CAD: variants seen among roughly 807,000 people sequenced by gnomAD.
CAD encodes the protein carbamoyl-phosphate synthetase 2, aspartate transcarbamylase, and dihydroorotase, also known as multifunctional protein CAD.
CAD carries 81 observed loss-of-function variants against 237.2 expected under a neutral mutation model. The ratio of observed to expected loss-of-function variants is 0.34; its 90% CI spans 0.29 to 0.41. CAD has a LOEUF of 0.41. Among genes scored for constraint, CAD ranks in the 10% least tolerant of loss-of-function variants. The probability of loss-of-function intolerance (pLI) is 1.00; values close to 1 mark genes in which losing one functional copy is unlikely to be tolerated. For missense variants in CAD, 2,181 were observed against 2,951.7 expected (o/e 0.74, Z 6.05); for synonymous variants, 1,196 against 1,162.8 (o/e 1.03, Z -0.58).
rs753256886 is a variant in CAD at position 27,218,004 on chromosome 2, C to T, written c.210C>T (p.Phe70=). The change falls in exon 2 of 44, where the codon TTC becomes TTT. Residue 70 remains phenylalanine (F), a synonymous_variant. Transcript: ENST00000264705. ...TCCCCCCAGATGAAATGGATGAGTT[C>T]GGTCTCTGCAAGGTAGCCACACCCA... is the stretch of plus-strand genomic sequence containing the variant. The part of the protein sequence containing the change: ...YGIPPDEMDE[F]GLCKWFESSG... 1 of 1,607,872 alleles carries T rather than the reference C, an allele frequency of 6.2e-7. No homozygotes were observed. Among genetic ancestry groups the T allele is most frequent in the South Asian group, 1.1e-5 (1 of 90,290 alleles).
chr2:27,230,683 G>A (rs1675706459), intron 15 of CAD, among the ~76,000 whole-genome samples: 1 of 151,980 alleles, frequency 6.6e-6, no homozygotes, highest in Non-Finnish European at 1.5e-5. Context: ...ACTCTAAAAT[G>A]ATTGTTGTAA....
intron 2 of CAD, 148 bp from the exon 3 acceptor site, chr2:27,221,070 G>T: frequency 2.0e-6 from 1 of 498,750 alleles, no homozygotes; most frequent in Non-Finnish European, 3.4e-6. Context: ...GTTGGTAAAT[G>T]GAAATACCTA....
chr2:27,240,250 AC>A lies in CAD; in HGVS notation c.5497-14del. 6.2e-7 allele frequency: 1 copy of A among 1,600,154 alleles called. No homozygotes were observed. Among genetic ancestry groups the A allele is most frequent in the Non-Finnish European group, 8.5e-7 (1 of 1,171,980 alleles). ...AAAAAAAAAAAACAACTCTGGGCCA[AC>A]GTTATCCCTCCAGACACCTGAAAGA... On this transcript the variant is annotated splice_polypyrimidine_tract_variant and intron_variant, in intron 34 of 43. Coordinates refer to ENST00000264705, the MANE Select transcript of CAD (RefSeq NM_004341.5). The surrounding 1 kb of genome is among the most constrained non-coding windows in gnomAD (Gnocchi z 4.6).
Position 27,217,575 on chromosome 2 carries a change from C to G in CAD, c.24C>G (p.Asp8Glu). The G allele has an allele frequency of 6.2e-7, 1 of 1,608,052 alleles. No individual in the cohort carries two copies. The highest frequency in any genetic ancestry group is 1.1e-5 in the South Asian group (1 of 89,838). MAALVLE[D>E]GSVLRGQPFG... Reference sequence around the variant, plus strand: ...CCATGGCGGCCCTAGTGTTGGAGGACGGGTCGGTCCTGCGGGGCCAGCCCT... The same window carrying G: ...CCATGGCGGCCCTAGTGTTGGAGGAGGGGTCGGTCCTGCGGGGCCAGCCCT... The change falls in exon 1 of 44, where the codon GAC becomes GAG. Residue 8 changes from aspartate (D) to glutamate (E), a missense_variant. Asp to Glu is a conservative substitution (Grantham distance 45, BLOSUM62 2). Transcript: ENST00000264705.
intron 15 of CAD, among the ~76,000 whole-genome samples, chr2:27,228,868 G>T (rs1675573462): frequency 6.6e-6 from 1 of 151,490 alleles, no homozygotes; most frequent in South Asian, 2.1e-4. Context: ...TGGGATTACA[G>T]GCCACTGTGC....
At chr2:27,234,321 C>CTTGG in intron 22 of CAD, 95 bp downstream of exon 22, 2 of 1,295,152 alleles carry the variant, frequency 1.5e-6, no homozygotes, top group Non-Finnish European at 2.2e-6. Flanking sequence ...CTCCTGCCTT[C>CTTGG]ATCCAAGTAG....
chr2:27,221,210 A>G lies in CAD; in HGVS notation c.223-8A>G, dbSNP rs2148057082. On this transcript the variant is annotated splice_polypyrimidine_tract_variant and splice_region_variant and intron_variant, in intron 2 of 43. Transcript: ENST00000264705. ...CTGAGGCTTCTCACAATCTCTTTCC[A>G]TCTACAGTGGTTTGAATCCTCGGGC... 1 of 1,516,188 alleles carries G rather than the reference A, an allele frequency of 6.6e-7. No homozygotes were observed. The highest frequency in any genetic ancestry group is 8.9e-7 in the Non-Finnish European group (1 of 1,124,748). The allele number at this position is 1,516,188 out of a possible 1,614,324, so 93.9% of individuals were successfully genotyped here.
At position 27,232,673 on chromosome 2, in the gene CAD, C is replaced by T. The variant is rs1054466016; in HGVS notation, c.2871C>T (p.Gly957=). 1 of 1,614,226 alleles carries T rather than the reference C, an allele frequency of 6.2e-7. No homozygotes were observed. The highest frequency in any genetic ancestry group is 1.6e-4 in the Middle Eastern group (1 of 6,062). Reference sequence around the variant, plus strand: ...TTGAATTTGACTGGTGTGCTGTAGGCTGCATCCAGCAGCTCCGAAAGGTCA... The same window carrying T: ...TTGAATTTGACTGGTGTGCTGTAGGTTGCATCCAGCAGCTCCGAAAGGTCA... ...SSVEFDWCAV[G]CIQQLRKMGY... is the part of the protein sequence containing the mutation. The change falls in exon 18 of 44, where the codon GGC becomes GGT. Residue 957 remains glycine (G), a synonymous_variant. Transcript: ENST00000264705. This position sits in a 1 kb window ranked among gnomAD's most constrained non-coding sequence, Gnocchi z 4.1.
At position 27,217,499 on chromosome 2, in the gene CAD, T is replaced by C. The variant is rs956875882; in HGVS notation, c.-53T>C. On this transcript the variant is annotated 5_prime_UTR_variant, in exon 1 of 44. Transcript: ENST00000264705. ...CGTCCTCACGTGGTTCCAGTGGAGT[T>C]TGCAGTCCTTCCCGCTTCTCCGTAC... The C allele has an allele frequency of 1.4e-5, 21 of 1,452,932 alleles. No homozygotes were observed. Among genetic ancestry groups the C allele is most frequent in the East Asian group, 2.4e-5 (1 of 40,978 alleles). 90.0% of individuals were successfully genotyped at this position (1,452,932 alleles called of 1,614,324 possible).
Position 27,242,968 on chromosome 2 carries a change from G to C in CAD, c.6475G>C (p.Glu2159Gln). The C allele has an allele frequency of 6.3e-7, 1 of 1,596,164 alleles. No homozygotes were observed. The highest frequency in any genetic ancestry group is 8.6e-7 in the Non-Finnish European group (1 of 1,167,196). The part of the protein sequence containing the change: ...KERFGSTQEY[E>Q]ACFGQFILTP... ...ACGATTTGGCTCTACCCAGGAGTAC[G>C]AAGCTGTGAGTGCTGGGCTTGAGGA... The change falls in exon 42 of 44, where the codon GAA (glutamate) becomes CAA (glutamine). Residue 2159 changes from glutamate to glutamine, a missense_variant. By Grantham distance (29) the Glu-to-Gln change is conservative. Transcript: ENST00000264705. The surrounding 1 kb of genome is among the most constrained non-coding windows in gnomAD (Gnocchi z 6.4).
In CAD at chr2:27,233,247, A is replaced by T; in HGVS notation, c.2992-65A>T. 1 of 1,525,506 alleles carries T rather than the reference A, an allele frequency of 6.6e-7. No homozygotes were observed. The highest frequency in any genetic ancestry group is 2.3e-5 in the East Asian group (1 of 44,374). The allele number at this position is 1,525,506 out of a possible 1,614,324, so 94.5% of individuals were successfully genotyped here. A position where few individuals can be genotyped will look rare whatever the true frequency, so the allele number is the denominator to read the frequency against. On this transcript the variant is annotated intron_variant, in intron 19 of 43. Transcript: ENST00000264705. The surrounding 1 kb of genome is among the most constrained non-coding windows in gnomAD (Gnocchi z 6.3). ...TTGGTGGCGGCTGAGGGAAGCAGTGAGCAGGAAGGCTCAGATTCCTGCCCT... is the reference window on the plus strand; with the variant it reads ...TTGGTGGCGGCTGAGGGAAGCAGTGTGCAGGAAGGCTCAGATTCCTGCCCT...
In CAD at chr2:27,238,602, G is replaced by A; in HGVS notation, c.5032G>A (p.Ala1678Thr). 1 of 1,613,474 alleles carries A rather than the reference G, an allele frequency of 6.2e-7. No homozygotes were observed. Among genetic ancestry groups the A allele is most frequent in the Non-Finnish European group, 8.5e-7 (1 of 1,179,774 alleles). The change falls in exon 31 of 44, where the codon GCT (alanine) becomes ACT (threonine). Residue 1678 changes from alanine (A) to threonine (T), a missense_variant. By Grantham distance (58) the Ala-to-Thr change is moderately conservative. This residue lies in a region of CAD where 478 missense variants were observed against 515.0 expected (regional missense o/e 0.93). Transcript: ENST00000264705. ...TGTGGAAGCCCTGTGGGAGAACATG[G>A]CTGTCATCGACTGCTTTGCCTCAGA... ...QDVEALWENM[A>T]VIDCFASDHA...
At position 27,217,378 on chromosome 2, in the gene CAD, T is replaced by C. The variant is rs1380260790; in HGVS notation, c.-174T>C. 1.6e-6 allele frequency: 1 copy of C among 624,616 alleles called. No individual in the cohort carries two copies. The highest frequency in any genetic ancestry group is 2.9e-6 in the Non-Finnish European group (1 of 350,258). The allele number at this position is 624,616 out of a possible 1,614,324, so 38.7% of individuals were successfully genotyped here. ...GTGTCCGCGCCGCCGCAGTCTCTGCTGCTGCCGCCAAGCGCGCCCGAGGCT... is the reference window on the plus strand; with the variant it reads ...GTGTCCGCGCCGCCGCAGTCTCTGCCGCTGCCGCCAAGCGCGCCCGAGGCT... On this transcript the variant is annotated 5_prime_UTR_variant, in exon 1 of 44. Transcript: ENST00000264705.
rs775918081 is a variant in CAD, at chr2:27,223,041, G to A, written c.809+4G>A. 9 of 1,614,048 alleles carry A rather than the reference G, an allele frequency of 5.6e-6. No homozygotes were observed. Among genetic ancestry groups the A allele is most frequent in the Non-Finnish European group, 7.6e-6 (9 of 1,179,942 alleles). On this transcript the variant is annotated splice_donor_region_variant and intron_variant, in intron 6 of 43. Transcript: ENST00000264705. The stretch of plus-strand genomic sequence containing the variant: ...GGGCCAAGACTTACAAGATGAGGTG[G>A]GACTTGTGGGGAGCAGAAGGGGCCC...
In CAD at chr2:27,240,957, T is replaced by C. The variant is rs537240186; in HGVS notation, c.5638+2T>C. On this transcript the variant is annotated splice_donor_variant, in intron 36 of 43. Coordinates refer to ENST00000264705, the MANE Select transcript of CAD (RefSeq NM_004341.5). LOFTEE classifies it high-confidence loss of function. The surrounding 1 kb of genome is among the most constrained non-coding windows in gnomAD (Gnocchi z 4.6). The stretch of plus-strand genomic sequence containing the variant: ...CCTCTCGGAAGGTAGCCGAGCCAGG[T>C]GAGACTCCACCCTGACACACACTCA... 1.2e-6 allele frequency: 2 copies of C among 1,613,984 alleles called. No individual in the cohort carries two copies. The highest frequency in any genetic ancestry group is 1.1e-5 in the South Asian group (1 of 91,066).
chr2:27,221,965 ATAT>A (rs1036092547), intron 3 of CAD, among the ~76,000 whole-genome samples: 3 of 147,708 alleles, frequency 2.0e-5, no homozygotes, highest in Non-Finnish European at 4.5e-5. Context: ...TTTTCCCTTT[ATAT>A]TATTTTCTAT....
At chr2:27,229,990 C>G (rs1185824388) in intron 15 of CAD, among the ~76,000 whole-genome samples, 1 of 151,964 alleles carries the variant, frequency 6.6e-6, no homozygotes, top group Non-Finnish European at 1.5e-5. Context: ...GTAATCCCAG[C>G]ACTTTGGGAG....
chr2:27,233,759 T>C lies in CAD; in HGVS notation c.3350T>C (p.Val1117Ala). ...LERFLSSAAA[V>A]SKEHPVVISK... Reference sequence around the variant, plus strand: ...CGCTTCCTGAGCAGCGCAGCAGCCGTCTCCAAAGAGCATCCCGTGGTCATC... The same window carrying C: ...CGCTTCCTGAGCAGCGCAGCAGCCGCCTCCAAAGAGCATCCCGTGGTCATC... Residue 1117 changes from valine (V) to alanine (A), a missense_variant, in exon 21 of 44, where the codon GTC becomes GCC. Physicochemically the swap from Val to Ala is moderately conservative, Grantham distance 64. Transcript: ENST00000264705. This position sits in a 1 kb window ranked among gnomAD's most constrained non-coding sequence, Gnocchi z 6.3. 1 of 1,614,002 alleles carries C rather than the reference T, an allele frequency of 6.2e-7. No homozygotes were observed. Among genetic ancestry groups the C allele is most frequent in the Admixed American group, 1.7e-5 (1 of 60,014 alleles).
At chr2:27,224,625 A>G (rs1414256917) in intron 9 of CAD, 120 bp from the exon 10 acceptor site, 2 of 1,537,272 alleles carry the variant, frequency 1.3e-6, no homozygotes, top group East Asian at 2.3e-5. Context: ...AGTAAGAAAT[A>G]GAAGTCAATT....
Sources: allele counts gnomAD v4.1 joint callset (sites outside exome capture counted in the v4.1 genomes callset), GRCh38; gene constraint gnomAD v4.1.1; regional missense constraint gnomAD v4.1.1; non-coding constraint Gnocchi (gnomAD v3.1); transcripts MANE v1.5; gene names NCBI Gene and HGNC (gene_info 2026-07-23, HGNC 2026-07-21).